CMIP: variants seen among roughly 807,000 people sequenced by gnomAD.
The protein encoded by CMIP is C-Maf-inducing protein.
Under a neutral mutation model 97.3 loss-of-function variants are expected in CMIP, and 13 were observed. The observed-to-expected ratio is 0.13, with a 90% CI of 0.09 to 0.21. The LOEUF (loss-of-function observed/expected upper bound fraction) is 0.21. CMIP is among the 10% of genes least tolerant of loss of function. CMIP has a pLI of 1.00. For missense variants in CMIP, 847 were observed against 1,024.9 expected (o/e 0.83, Z 2.37); for synonymous variants, 538 against 436.3 (o/e 1.23, Z -2.91).
chr16:81,488,056 G>T (rs1446705716), intron 1 of CMIP, among the ~76,000 whole-genome samples: 4 of 151,598 alleles, frequency 2.6e-5, no homozygotes, highest in African/African-American at 9.7e-5. Context: ...TTGTTTTATT[G>T]TTTATTATTG....
At chr16:81,529,127 T>C (rs926230408) in intron 1 of CMIP, among the ~76,000 whole-genome samples, 3 of 152,224 alleles carry the variant, frequency 2.0e-5, no homozygotes, top group African/African-American at 7.2e-5. Flanking sequence ...TAAATAGTTA[T>C]TCATAATGCA....
rs529285560 is a variant in CMIP, at chr16:81,657,545, G to A, written c.640-230G>A. ...CTCAAGGTCACATAACTCAAGCCCC[G>A]AAACAGGGACAAGAACTCAGTTCTC... is the stretch of plus-strand genomic sequence containing the variant. On this transcript the variant is annotated intron_variant, in intron 4 of 20. Transcript: ENST00000537098. Among the ~76,000 whole-genome samples the A allele has an allele frequency of 2.4e-3, 363 of 152,180 alleles. 1 individual carries two copies. Among genetic ancestry groups the A allele is most frequent in the Non-Finnish European group, 3.9e-3 (263 of 67,994 alleles).
intron 10 of CMIP, among the ~76,000 whole-genome samples, chr16:81,679,836 G>C (rs1295181005): frequency 6.6e-6 from 1 of 152,140 alleles, no homozygotes; most frequent in East Asian, 1.9e-4. Flanking sequence ...GTGAGCACCT[G>C]GTTCTGGGAG....
intron 1 of CMIP, among the ~76,000 whole-genome samples, chr16:81,570,510 G>A (rs1049917684): frequency 6.6e-6 from 1 of 152,138 alleles, no homozygotes; most frequent in Non-Finnish European, 1.5e-5. Context: ...GGCAGGTGGT[G>A]GGACCGCTAG....
intron 3 of CMIP, chr16:81,622,021 G>A (rs933429588): frequency 3.9e-5 from 6 of 152,304 alleles, no homozygotes; most frequent in African/African-American, 1.4e-4. Context: ...TGTTTACTGA[G>A]CTTCTACTGT....
At chr16:81,480,030 A>C (rs1200236340) in intron 1 of CMIP, among the ~76,000 whole-genome samples, 1 of 152,174 alleles carries the variant, frequency 6.6e-6, no homozygotes. Context: ...CGTAACCCCC[A>C]AAACCCAGGC....
intron 1 of CMIP, among the ~76,000 whole-genome samples, chr16:81,567,214 C>T (rs1003244886): frequency 6.6e-6 from 1 of 152,290 alleles, no homozygotes; most frequent in African/African-American, 2.4e-5. Flanking sequence ...GCTTTGCCGC[C>T]TGGCGGAAAC....
chr16:81,670,632 G>GC (rs2092674615), intron 8 of CMIP, among the ~76,000 whole-genome samples: 1 of 139,634 alleles, frequency 7.2e-6, no homozygotes, highest in Non-Finnish European at 1.5e-5. Flanking sequence ...GGGGGGGGGG[G>GC]GGTGGTTGCT....
At chr16:81,530,291 G>T (rs1388662879) in intron 1 of CMIP, among the ~76,000 whole-genome samples, 1 of 152,178 alleles carries the variant, frequency 6.6e-6, no homozygotes, top group Non-Finnish European at 1.5e-5. Flanking sequence ...GATTTGAGTA[G>T]AGTCCTGCTT....
intron 1 of CMIP, among the ~76,000 whole-genome samples, chr16:81,487,486 C>A (rs572091944): frequency 6.6e-6 from 1 of 152,164 alleles, no homozygotes; most frequent in Admixed American, 6.5e-5. Context: ...CCAAGCGGGC[C>A]GGCTTGGCGG....
At position 81,706,387 on chromosome 16, in the gene CMIP, C is replaced by G. The variant is rs529703447; in HGVS notation, c.2198-627C>G. On this transcript the variant is annotated intron_variant, in intron 19 of 20. Coordinates refer to ENST00000537098, the MANE Select transcript of CMIP (RefSeq NM_198390.3). ...CGGGCCGCTGGCAAATGCTGGGTGG[C>G]TTGGGAGGAGGTGGGAGCAGGTGAC... 5.3e-5 allele frequency among the ~76,000 whole-genome samples: 8 copies of G among 152,264 alleles called. No individual in the cohort carries two copies. In the South Asian group the frequency reaches 1.7e-3, roughly 32 times the overall value.
intron 1 of CMIP, chr16:81,495,566 G>A: frequency 1.3e-6 from 2 of 1,537,214 alleles, no homozygotes; most frequent in Admixed American, 3.7e-5. Flanking sequence ...GCTGCTGCTG[G>A]CCACAGGCCA....
At chr16:81,660,592 A>G (rs1360724346) in intron 5 of CMIP, among the ~76,000 whole-genome samples, 12 of 152,142 alleles carry the variant, frequency 7.9e-5, no homozygotes, top group African/African-American at 2.2e-4. Flanking sequence ...CAAGTATTTC[A>G]TGAGTATGAG....
Position 81,564,785 on chromosome 16 carries a change from T to A in CMIP, c.301-42782T>A, listed in dbSNP as rs57866459. On this transcript the variant is annotated intron_variant, in intron 1 of 20. Transcript: ENST00000537098. ...AGTCGGGCACACAATAGGTGTTCGATGAATATTTGATGAGTGGAGGCATGT... is the reference window on the plus strand; with the variant it reads ...AGTCGGGCACACAATAGGTGTTCGAAGAATATTTGATGAGTGGAGGCATGT... Among the ~76,000 whole-genome samples, 1,373 of 152,234 alleles carry A rather than the reference T, an allele frequency of 9.0e-3. 35 individuals carry two copies. Among genetic ancestry groups the A allele is most frequent in the African/African-American group, 0.032 (1,309 of 41,552 alleles).
At chr16:81,587,887 G>A (rs933839163) in intron 1 of CMIP, among the ~76,000 whole-genome samples, 1 of 152,222 alleles carries the variant, frequency 6.6e-6, no homozygotes, top group Non-Finnish European at 1.5e-5. Context: ...CAGCCAGTGT[G>A]CGGGTGCATG....
At chr16:81,654,758 G>C (rs2092464816) in intron 4 of CMIP, among the ~76,000 whole-genome samples, 4 of 152,242 alleles carry the variant, frequency 2.6e-5, no homozygotes, top group Admixed American at 2.6e-4. Flanking sequence ...GGGCCAGTCA[G>C]ATTAAGTGTT....
chr16:81,670,110 G>C (rs746656574), intron 7 of CMIP, 32 bp from the exon 8 acceptor site: 8 of 1,583,986 alleles, frequency 5.1e-6, no homozygotes, highest in Admixed American at 1.8e-5. Flanking sequence ...GCCTAGCACC[G>C]TCCCGACTCC....
chr16:81,684,015 C>T (rs1905144123), intron 10 of CMIP, among the ~76,000 whole-genome samples: 2 of 152,124 alleles, frequency 1.3e-5, no homozygotes, highest in African/African-American at 4.8e-5. Flanking sequence ...CCCACCTCAG[C>T]CTCCCAAAGT....
intron 3 of CMIP, among the ~76,000 whole-genome samples, chr16:81,644,999 G>C (rs1208655965): frequency 1.3e-5 from 2 of 152,228 alleles, no homozygotes. Flanking sequence ...CTTTCGGATA[G>C]CACTGCCCGA....
Sources: allele counts gnomAD v4.1 joint callset (sites outside exome capture counted in the v4.1 genomes callset), GRCh38; gene constraint gnomAD v4.1.1; transcripts MANE v1.5; gene names NCBI Gene and HGNC (gene_info 2026-07-23, HGNC 2026-07-21).